Variants in VAV3 observed in about 807,000 individuals in gnomAD.
VAV3 encodes vav guanine nucleotide exchange factor 3.
In VAV3, 94 loss-of-function variants were observed where a neutral mutation model predicts 131.2. The observed-to-expected ratio is 0.72, with a 90% CI of 0.61 to 0.85. The LOEUF is 0.85. Ranked by LOEUF, VAV3 falls within the 40% of genes least tolerant of loss-of-function variation. The pLI, the probability that VAV3 is intolerant of heterozygous loss-of-function variation, is 0.00. For synonymous variants in VAV3, 349 were observed against 342.0 expected (o/e 1.02, Z -0.22); for missense variants, 939 against 1,002.7 (o/e 0.94, Z 0.86).
intron 1 of VAV3, among the ~76,000 whole-genome samples, chr1:107,926,466 T>A (rs1043190241): frequency 4.6e-5 from 7 of 152,090 alleles, no homozygotes; most frequent in African/African-American, 1.7e-4. Context: ...AAAATCACCT[T>A]CATAAGAACC....
At chr1:107,616,368 T>C (rs1486861729) in intron 21 of VAV3, among the ~76,000 whole-genome samples, 1 of 152,088 alleles carries the variant, frequency 6.6e-6, no homozygotes, top group African/African-American at 2.4e-5. Context: ...TTCTCATTTA[T>C]AAGTGAAAGT....
intron 1 of VAV3, 74 bp from the exon 2 acceptor site, chr1:107,875,091 A>G: frequency 8.0e-7 from 1 of 1,253,512 alleles, no homozygotes; most frequent in East Asian, 2.3e-5. Context: ...AACACTCAAG[A>G]CTGCTCTAAA....
chr1:107,663,274 G>A (rs1216225922), intron 19 of VAV3, among the ~76,000 whole-genome samples: 1 of 152,024 alleles, frequency 6.6e-6, no homozygotes, highest in Admixed American at 6.6e-5. Flanking sequence ...TGTTTTACAG[G>A]CTTGTGTAAA....
chr1:107,606,657 A>G (rs898671846), intron 22 of VAV3, among the ~76,000 whole-genome samples: 2 of 152,040 alleles, frequency 1.3e-5, no homozygotes, highest in African/African-American at 4.8e-5. Context: ...CAAGTCTTCT[A>G]TAATATTTAA....
intron 1 of VAV3, among the ~76,000 whole-genome samples, chr1:107,927,719 G>A (rs1007594871): frequency 1.8e-4 from 28 of 151,846 alleles, no homozygotes; most frequent in Middle Eastern, 3.4e-3. Flanking sequence ...GGAAGAGTAG[G>A]AAGAACTGTG....
intron 2 of VAV3, among the ~76,000 whole-genome samples, chr1:107,796,069 T>C (rs998218837): frequency 1.3e-5 from 2 of 152,166 alleles, no homozygotes; most frequent in African/African-American, 4.8e-5. Context: ...TCTTTTTTTT[T>C]TTCAGGTCAC....
At chr1:107,743,342 A>T (rs1005417997) in intron 15 of VAV3, among the ~76,000 whole-genome samples, 1 of 152,138 alleles carries the variant, frequency 6.6e-6, no homozygotes, top group African/African-American at 2.4e-5. Flanking sequence ...GCAGCTATTC[A>T]GATTTGATGT....
At chr1:107,931,193 T>G (rs72983497) in intron 1 of VAV3, among the ~76,000 whole-genome samples, 4,620 of 152,240 alleles carry the variant, frequency 0.03, 166 homozygotes, top group African/African-American at 0.085. Context: ...TATGTTAGAT[T>G]ATAATAAGAA....
intron 2 of VAV3, among the ~76,000 whole-genome samples, chr1:107,827,814 C>G (rs1291663125): frequency 6.6e-6 from 1 of 152,032 alleles, no homozygotes; most frequent in Non-Finnish European, 1.5e-5. Context: ...TAATAAAGGA[C>G]CTTATGAGAA....
intron 18 of VAV3, among the ~76,000 whole-genome samples, chr1:107,685,224 G>T (rs1465479437): frequency 6.6e-6 from 1 of 152,116 alleles, no homozygotes; most frequent in Non-Finnish European, 1.5e-5. Flanking sequence ...GCTACACATT[G>T]CAAGTATTAA....
chr1:107,900,943 A>G (rs1459714), intron 1 of VAV3, among the ~76,000 whole-genome samples: 45,293 of 152,066 alleles, frequency 0.3, 7,098 homozygotes, highest in African/African-American at 0.42. Flanking sequence ...TACCTTGTAT[A>G]TTTTACGTAA....
intron 5 of VAV3, 97 bp downstream of exon 5, chr1:107,772,638 A>T (rs1665112532): frequency 1.9e-6 from 2 of 1,029,848 alleles, no homozygotes; most frequent in East Asian, 2.6e-5. Context: ...AGCAAAGGTT[A>T]AAAAAAATCC....
intron 20 of VAV3, among the ~76,000 whole-genome samples, chr1:107,631,508 G>A (rs960302116): frequency 2.7e-4 from 41 of 150,820 alleles, no homozygotes; most frequent in South Asian, 4.2e-4. Flanking sequence ...TTAAGTTTTA[G>A]GGTACATGTG....
intron 2 of VAV3, among the ~76,000 whole-genome samples, chr1:107,784,077 T>C (rs998592423): frequency 6.6e-6 from 1 of 151,692 alleles, no homozygotes; most frequent in Non-Finnish European, 1.5e-5. Context: ...TATATATATA[T>C]ATTTCAAAAG....
intron 2 of VAV3, among the ~76,000 whole-genome samples, chr1:107,820,034 T>C (rs1241230067): frequency 6.6e-6 from 1 of 152,156 alleles, no homozygotes; most frequent in African/African-American, 2.4e-5. Context: ...ATAGCCAATA[T>C]GGAGAATAGT....
At chr1:107,910,706 G>T (rs756143375) in intron 1 of VAV3, among the ~76,000 whole-genome samples, 1 of 151,936 alleles carries the variant, frequency 6.6e-6, no homozygotes, top group East Asian at 1.9e-4. Context: ...GAGGCCATGC[G>T]TGGTGGCTCA....
intron 17 of VAV3, among the ~76,000 whole-genome samples, chr1:107,702,795 CAAAA>C (rs11312777): frequency 0.36 from 50,087 of 137,750 alleles, 8,873 homozygotes; most frequent in African/African-American, 0.48. Flanking sequence ...CCACGTCTTT[CAAAA>C]AAAAAAAAAA....
At chr1:107,878,769 C>G (rs918980217) in intron 1 of VAV3, among the ~76,000 whole-genome samples, 2 of 152,090 alleles carry the variant, frequency 1.3e-5, no homozygotes, top group Non-Finnish European at 2.9e-5. Flanking sequence ...TACATGTCCC[C>G]CCTTTATAGC....
chr1:107,810,901 C>T (rs1557861139), intron 2 of VAV3, among the ~76,000 whole-genome samples: 1 of 151,660 alleles, frequency 6.6e-6, no homozygotes, highest in Non-Finnish European at 1.5e-5. Context: ...TAGAGAACCA[C>T]CAAGACAATG....
Sources: allele counts gnomAD v4.1 joint callset (sites outside exome capture counted in the v4.1 genomes callset), GRCh38; gene constraint gnomAD v4.1.1; transcripts MANE v1.5; gene names NCBI Gene and HGNC (gene_info 2026-07-23, HGNC 2026-07-21).